GRIK3: variants seen among roughly 807,000 people sequenced by gnomAD.
The protein encoded by GRIK3 is glutamate ionotropic receptor kainate type subunit 3.
GRIK3 carries 29 observed loss-of-function variants against 102.5 expected under a neutral mutation model. That is an observed-to-expected ratio of 0.28 (90% CI 0.21 to 0.39). GRIK3 has a LOEUF of 0.39. Among genes scored for constraint, GRIK3 ranks in the 10% least tolerant of loss-of-function variants. The pLI, the probability that GRIK3 is intolerant of heterozygous loss-of-function variation, is 1.00. For missense variants in GRIK3, 908 were observed against 1,252.4 expected, an observed-to-expected ratio of 0.73 and a Z score of 4.15; for synonymous variants, 511 against 504.9, an observed-to-expected ratio of 1.01 and a Z score of -0.16.
intron 7 of GRIK3, among the ~76,000 whole-genome samples, chr1:36,856,440 G>A (rs935940466): frequency 1.1e-4 from 17 of 152,306 alleles, no homozygotes; most frequent in South Asian, 2.1e-4. Flanking sequence ...TGCTTCACAC[G>A]CTCTGAACTC....
chr1:36,934,747 A>G (rs1557431015), intron 1 of GRIK3, among the ~76,000 whole-genome samples: 1 of 152,216 alleles, frequency 6.6e-6, no homozygotes, highest in Non-Finnish European at 1.5e-5. Context: ...TAATGTGGGA[A>G]GATGGAGCAG....
At chr1:36,976,594 T>C (rs1384898036) in intron 1 of GRIK3, among the ~76,000 whole-genome samples, 1 of 152,052 alleles carries the variant, frequency 6.6e-6, no homozygotes, top group Admixed American at 6.5e-5. Flanking sequence ...ACTGCCCAGA[T>C]TGAGGATTGG....
intron 5 of GRIK3, among the ~76,000 whole-genome samples, chr1:36,866,809 G>T (rs903562502): frequency 2.0e-5 from 3 of 152,100 alleles, no homozygotes; most frequent in African/African-American, 7.2e-5. Context: ...ACAATTTCAC[G>T]GATTACTTTC....
intron 1 of GRIK3, among the ~76,000 whole-genome samples, chr1:36,988,384 C>T (rs567337845): frequency 6.6e-6 from 1 of 152,378 alleles, no homozygotes; most frequent in African/African-American, 2.4e-5. Context: ...AGGAGCAATG[C>T]TGCAGCCAGC....
chr1:36,932,482 A>C (rs1307992302), intron 1 of GRIK3, among the ~76,000 whole-genome samples: 2 of 152,176 alleles, frequency 1.3e-5, no homozygotes, highest in African/African-American at 4.8e-5. Context: ...CATTGCTACC[A>C]GGGACACTGG....
intron 1 of GRIK3, among the ~76,000 whole-genome samples, chr1:37,008,049 C>T (rs1642550875): frequency 6.6e-6 from 1 of 152,212 alleles, no homozygotes; most frequent in Admixed American, 6.5e-5. Flanking sequence ...AAGAGAAACA[C>T]CTTGTGTCTC....
chr1:36,891,653 T>C (rs1229544896), intron 1 of GRIK3, among the ~76,000 whole-genome samples: 2 of 152,202 alleles, frequency 1.3e-5, no homozygotes, highest in Admixed American at 6.5e-5. Context: ...ATCATACTAA[T>C]GGTGAAAAAC....
chr1:36,886,501 T>C lies in GRIK3; in HGVS notation c.292+4419A>G, dbSNP rs183604158. On this transcript the variant is annotated intron_variant, in intron 2 of 15. Transcript: ENST00000373091. ...GGAACATGGGGCTCTCCCTGAGGGA[T>C]AGAGGGTACCCAAAGGGGAGTGTGA... Among the ~76,000 whole-genome samples the C allele has an allele frequency of 2.6e-5, 4 of 152,182 alleles. No individual in the cohort carries two copies. The East Asian group carries it at 7.7e-4, about 29-fold the overall frequency.
intron 10 of GRIK3, among the ~76,000 whole-genome samples, chr1:36,832,040 A>G (rs1640307109): frequency 6.7e-6 from 1 of 148,710 alleles, no homozygotes; most frequent in Non-Finnish European, 1.5e-5. Context: ...CATCACTTCC[A>G]CAGACACAAG....
intron 10 of GRIK3, among the ~76,000 whole-genome samples, chr1:36,832,688 C>T (rs1012538526): frequency 6.6e-6 from 1 of 152,234 alleles, no homozygotes; most frequent in Non-Finnish European, 1.5e-5. Context: ...TTCTGAGGCC[C>T]AGCAAGCTCC....
intron 1 of GRIK3, among the ~76,000 whole-genome samples, chr1:36,991,413 C>A (rs530198745): frequency 6.6e-6 from 1 of 152,370 alleles, no homozygotes; most frequent in East Asian, 1.9e-4. Flanking sequence ...CAGCCTCAAC[C>A]ACAGAGTAGG....
intron 1 of GRIK3, among the ~76,000 whole-genome samples, chr1:36,958,063 G>A (rs1404811879): frequency 7.5e-6 from 1 of 133,248 alleles, no homozygotes; most frequent in African/African-American, 2.9e-5. Context: ...TTTGCTCCGT[G>A]AGCCTGTGTG....
At chr1:36,886,840 A>C (rs1287209809) in intron 2 of GRIK3, among the ~76,000 whole-genome samples, 1 of 152,180 alleles carries the variant, frequency 6.6e-6, no homozygotes, top group Non-Finnish European at 1.5e-5. Context: ...CACTCACTGC[A>C]CACTACTCCC....
At chr1:36,912,007 G>A (rs1431828613) in intron 1 of GRIK3, among the ~76,000 whole-genome samples, 1 of 152,016 alleles carries the variant, frequency 6.6e-6, no homozygotes, top group African/African-American at 2.4e-5. Context: ...GGTGTTTGGG[G>A]CCCTTCCCCA....
At chr1:36,981,614 C>A (rs1427509508) in intron 1 of GRIK3, among the ~76,000 whole-genome samples, 1 of 150,836 alleles carries the variant, frequency 6.6e-6, no homozygotes, top group East Asian at 2.0e-4. Context: ...TGCAGCCAGG[C>A]CTGTCTGATT....
intron 10 of GRIK3, among the ~76,000 whole-genome samples, chr1:36,836,324 G>A (rs139548000): frequency 6.6e-6 from 1 of 152,212 alleles, no homozygotes; most frequent in African/African-American, 2.4e-5. Flanking sequence ...AGCTAGTCAC[G>A]ACCCCACAAC....
chr1:37,001,152 T>G (rs1642472078), intron 1 of GRIK3, among the ~76,000 whole-genome samples: 1 of 152,204 alleles, frequency 6.6e-6, no homozygotes, highest in Non-Finnish European at 1.5e-5. Context: ...AAATGTGTGC[T>G]CCATGTCCCC....
At chr1:36,842,843 T>C (rs522480) in intron 9 of GRIK3, among the ~76,000 whole-genome samples, 24,388 of 152,142 alleles carry the variant, frequency 0.16, 2,117 homozygotes, top group African/African-American at 0.21. Flanking sequence ...CTAGCCGGCA[T>C]GAGAGAAGAT....
chr1:36,999,104 C>T (rs1203827394), intron 1 of GRIK3, among the ~76,000 whole-genome samples: 1 of 151,824 alleles, frequency 6.6e-6, no homozygotes, highest in Non-Finnish European at 1.5e-5. Context: ...ACAGATGGGG[C>T]ATGGAGTAGA....
Sources: allele counts gnomAD v4.1 joint callset (sites outside exome capture counted in the v4.1 genomes callset), GRCh38; gene constraint gnomAD v4.1.1; transcripts MANE v1.5; gene names NCBI Gene and HGNC (gene_info 2026-07-23, HGNC 2026-07-21).